Variants in SNTG1 observed in about 807,000 individuals in gnomAD.
SNTG1 encodes gamma-1-syntrophin.
A neutral mutation model predicts 74.7 loss-of-function variants in SNTG1; 39 were observed. That is an observed-to-expected ratio of 0.52 (90% CI 0.40 to 0.68). SNTG1 has a LOEUF of 0.68. Ranked by LOEUF, SNTG1 falls within the 30% of genes least tolerant of loss-of-function variation. SNTG1 has a pLI of 0.00. For missense variants in SNTG1, 685 were observed against 609.5 expected, an observed-to-expected ratio of 1.12 and a Z score of -1.30; for synonymous variants, 254 against 217.1, an observed-to-expected ratio of 1.17 and a Z score of -1.49.
chr8:50,708,879 T>C lies in SNTG1; in HGVS notation c.1192-7T>C, dbSNP rs777714322. On this transcript the variant is annotated splice_region_variant and splice_polypyrimidine_tract_variant and intron_variant, in intron 16 of 18. Transcript: ENST00000642720. ...TGAAAAGTAACAATACTTTCTGTTCTACCTAGTGCAAGACCTATGCATGTG... is the reference window on the plus strand; with the variant it reads ...TGAAAAGTAACAATACTTTCTGTTCCACCTAGTGCAAGACCTATGCATGTG... 6.3e-6 allele frequency: 10 copies of C among 1,597,820 alleles called. No homozygotes were observed. The highest frequency in any genetic ancestry group is 1.3e-5 in the African/African-American group (1 of 74,536).
At chr8:50,776,167 G>A (rs1411223516) in intron 18 of SNTG1, among the ~76,000 whole-genome samples, 1 of 150,290 alleles carries the variant, frequency 6.7e-6, no homozygotes, top group African/African-American at 2.4e-5. Context: ...CCATTTTTCT[G>A]TTTTAATTTT....
chr8:50,033,857 G>T (rs550685767), intron 1 of SNTG1, among the ~76,000 whole-genome samples: 1 of 152,218 alleles, frequency 6.6e-6, no homozygotes, highest in East Asian at 1.9e-4. Flanking sequence ...TGCAGGGTAA[G>T]ACTTATTTCA....
At chr8:50,703,952 G>A (rs1234684295) in intron 15 of SNTG1, among the ~76,000 whole-genome samples, 1 of 151,996 alleles carries the variant, frequency 6.6e-6, no homozygotes, top group Non-Finnish European at 1.5e-5. Flanking sequence ...TAAATTATTT[G>A]CTTCACTTTT....
chr8:50,532,451 G>T (rs310562), intron 10 of SNTG1, among the ~76,000 whole-genome samples: 29,225 of 152,146 alleles, frequency 0.19, 2,920 homozygotes, highest in South Asian at 0.33. Context: ...AAAAAGAGAA[G>T]AATGAGTAGC....
chr8:50,586,356 G>A (rs2094648122), intron 12 of SNTG1, among the ~76,000 whole-genome samples: 1 of 152,070 alleles, frequency 6.6e-6, no homozygotes, highest in Non-Finnish European at 1.5e-5. Flanking sequence ...TCTGTCTGAG[G>A]ATATTTAGTA....
At chr8:50,655,385 T>C (rs972181508) in intron 13 of SNTG1, among the ~76,000 whole-genome samples, 4 of 152,134 alleles carry the variant, frequency 2.6e-5, no homozygotes, top group African/African-American at 9.7e-5. Flanking sequence ...TACAAAATAA[T>C]CAGTTATTAT....
At chr8:50,582,211 A>T (rs1486037205) in intron 12 of SNTG1, among the ~76,000 whole-genome samples, 2 of 152,158 alleles carry the variant, frequency 1.3e-5, no homozygotes, top group African/African-American at 4.8e-5. Context: ...GGCAAAGTTA[A>T]ACTTCAAATT....
chr8:49,947,889 G>A (rs938099450), intron 1 of SNTG1, among the ~76,000 whole-genome samples: 1 of 152,122 alleles, frequency 6.6e-6, no homozygotes, highest in Non-Finnish European at 1.5e-5. Flanking sequence ...TCATCACTTT[G>A]GGAGGCCGAG....
At chr8:50,145,040 G>T (rs1365859272) in intron 1 of SNTG1, among the ~76,000 whole-genome samples, 5 of 152,166 alleles carry the variant, frequency 3.3e-5, no homozygotes, top group African/African-American at 1.2e-4. Flanking sequence ...AATGAGGTAG[G>T]AACACCAGTC....
At chr8:50,130,093 G>T (rs944704556) in intron 1 of SNTG1, among the ~76,000 whole-genome samples, 1 of 152,122 alleles carries the variant, frequency 6.6e-6, no homozygotes, top group Non-Finnish European at 1.5e-5. Context: ...TAGCCTCTAA[G>T]TTAAAACTAT....
chr8:50,054,063 A>T lies in SNTG1; in HGVS notation c.-102-118498A>T, dbSNP rs569625020. Among the ~76,000 whole-genome samples the T allele has an allele frequency of 4.4e-4, 67 of 152,158 alleles. 1 individual carries two copies. The South Asian group carries it at 0.014, about 32-fold the overall frequency. Reference sequence around the variant, plus strand: ...AATTCTGGCTTTGATCCTCTTACTTACTATAATATTGATTCTCAATAAAGA... The same window carrying T: ...AATTCTGGCTTTGATCCTCTTACTTTCTATAATATTGATTCTCAATAAAGA... On this transcript the variant is annotated intron_variant, in intron 1 of 18. Coordinates refer to ENST00000642720, the MANE Select transcript of SNTG1 (RefSeq NM_018967.5).
chr8:50,154,782 G>A (rs376622599), intron 1 of SNTG1, among the ~76,000 whole-genome samples: 1 of 152,150 alleles, frequency 6.6e-6, no homozygotes, highest in African/African-American at 2.4e-5. Flanking sequence ...AAATGCCATC[G>A]ATTGGAAGTG....
intron 3 of SNTG1, among the ~76,000 whole-genome samples, chr8:50,395,822 T>G (rs1338954645): frequency 6.6e-6 from 1 of 152,154 alleles, no homozygotes; most frequent in African/African-American, 2.4e-5. Flanking sequence ...ATTTCTGGTT[T>G]TAATTGCATA....
intron 18 of SNTG1, among the ~76,000 whole-genome samples, chr8:50,783,147 C>T (rs1016148822): frequency 4.6e-5 from 7 of 152,152 alleles, no homozygotes; most frequent in Non-Finnish European, 7.4e-5. Context: ...GGTCAGGGGT[C>T]AGGGACCCAC....
At chr8:50,226,353 C>T (rs1050344993) in intron 2 of SNTG1, among the ~76,000 whole-genome samples, 1 of 152,116 alleles carries the variant, frequency 6.6e-6, no homozygotes, top group Non-Finnish European at 1.5e-5. Flanking sequence ...TTTTGCATTT[C>T]CCTGATGTCC....
chr8:50,451,509 A>T (rs963966724), intron 8 of SNTG1, among the ~76,000 whole-genome samples: 1 of 152,060 alleles, frequency 6.6e-6, no homozygotes, highest in African/African-American at 2.4e-5. Context: ...AAAGAGAGAG[A>T]CAGAGAGAGA....
chr8:49,929,110 A>G (rs1015779119), intron 1 of SNTG1, among the ~76,000 whole-genome samples: 4 of 152,202 alleles, frequency 2.6e-5, no homozygotes, highest in African/African-American at 9.6e-5. Flanking sequence ...GAGGACTTAA[A>G]TAACTAATAA....
intron 9 of SNTG1, among the ~76,000 whole-genome samples, chr8:50,523,879 A>C (rs1312938369): frequency 6.6e-6 from 1 of 152,176 alleles, no homozygotes; most frequent in African/African-American, 2.4e-5. Flanking sequence ...AATGTAATAA[A>C]ATGAGATATG....
intron 12 of SNTG1, among the ~76,000 whole-genome samples, chr8:50,554,855 T>C (rs956337191): frequency 1.3e-5 from 2 of 152,160 alleles, no homozygotes; most frequent in African/African-American, 4.8e-5. Flanking sequence ...TGAACTTATA[T>C]TTGTGAGACA....
Sources: allele counts gnomAD v4.1 joint callset (sites outside exome capture counted in the v4.1 genomes callset), GRCh38; gene constraint gnomAD v4.1.1; transcripts MANE v1.5; gene names NCBI Gene and HGNC (gene_info 2026-07-23, HGNC 2026-07-21).